The following THRAP3 variants were observed in gnomAD, a reference collection of about 807,000 sequenced individuals.
The protein encoded by THRAP3 is thyroid hormone receptor-associated protein 3.
THRAP3 carries 16 observed loss-of-function variants against 101.0 expected under a neutral mutation model. That is an observed-to-expected ratio of 0.16 (90% CI 0.11 to 0.24). THRAP3 has a LOEUF of 0.24. Ranked by LOEUF, THRAP3 falls within the 10% of genes least tolerant of loss-of-function variation. The pLI, the probability that THRAP3 is intolerant of heterozygous loss-of-function variation, is 1.00. For synonymous variants in THRAP3, 407 were observed against 422.6 expected (o/e 0.96, Z 0.45); for missense variants, 989 against 1,202.7 (o/e 0.82, Z 2.63).
At chr1:36,283,503 TATTGGTGTATTTAA>T (rs1645758536) in intron 3 of THRAP3, among the ~76,000 whole-genome samples, 1 of 152,202 alleles carries the variant, frequency 6.6e-6, no homozygotes, top group Admixed American at 6.5e-5. Flanking sequence ...GTTTGGGAAA[TATTGGTGTATTTAA>T]ATTGGTGTGC....
chr1:36,262,514 T>C (rs1044976732), intron 2 of THRAP3, among the ~76,000 whole-genome samples: 2 of 152,252 alleles, frequency 1.3e-5, no homozygotes, highest in African/African-American at 4.8e-5. Flanking sequence ...CCATTGTCTG[T>C]AAAAGCTGTC....
chr1:36,221,131 G>T (rs1644901270), upstream of THRAP3, among the ~76,000 whole-genome samples: 1 of 146,160 alleles, frequency 6.8e-6, no homozygotes, highest in South Asian at 2.1e-4. Context: ...GTTGCAGTGT[G>T]CACATATTGT....
intron 1 of THRAP3, among the ~76,000 whole-genome samples, chr1:36,230,030 C>T (rs950912498): frequency 2.0e-5 from 3 of 146,684 alleles, no homozygotes; most frequent in African/African-American, 7.6e-5. Flanking sequence ...TCTCGGCTCA[C>T]TGCAACCTCC....
intron 1 of THRAP3, among the ~76,000 whole-genome samples, chr1:36,255,924 C>G (rs374516232): frequency 6.6e-6 from 1 of 152,040 alleles, no homozygotes; most frequent in Non-Finnish European, 1.5e-5. Flanking sequence ...GAAACTATAT[C>G]GTCGTTTAAG....
intron 1 of THRAP3, among the ~76,000 whole-genome samples, chr1:36,248,830 C>T (rs957192271): frequency 6.6e-6 from 1 of 151,960 alleles, no homozygotes; most frequent in Non-Finnish European, 1.5e-5. Context: ...CTACCATGTA[C>T]CAGGCATTGC....
At chr1:36,247,943 G>A (rs962272398) in intron 1 of THRAP3, among the ~76,000 whole-genome samples, 1 of 147,712 alleles carries the variant, frequency 6.8e-6, no homozygotes, top group African/African-American at 2.5e-5. Flanking sequence ...GCAGTGGCAC[G>A]ATCTTGGCTC....
chr1:36,213,867 AGAAAGAAGGAAAG>A, the THRAP3 span, among the ~76,000 whole-genome samples: 2 of 150,430 alleles, frequency 1.3e-5, no homozygotes, highest in Non-Finnish European at 3.0e-5. Context: ...AGAAAGAAAA[AGAAAGAAGGAAAG>A]GAAAGAAGGA....
chr1:36,212,496 A>C, the THRAP3 span, among the ~76,000 whole-genome samples: 5 of 147,528 alleles, frequency 3.4e-5, no homozygotes, highest in Admixed American at 2.7e-4. Flanking sequence ...TCTCGGCTCA[A>C]TGCAACCTCC....
chr1:36,232,873 C>A (rs1371476045), intron 1 of THRAP3, among the ~76,000 whole-genome samples: 2 of 119,598 alleles, frequency 1.7e-5, no homozygotes, highest in East Asian at 5.5e-4. Flanking sequence ...ACTCATCGAA[C>A]TGTATCTTTT....
intron 2 of THRAP3, among the ~76,000 whole-genome samples, chr1:36,269,388 T>A (rs1333061510): frequency 6.6e-6 from 1 of 152,202 alleles, no homozygotes; most frequent in East Asian, 1.9e-4. Flanking sequence ...GTGATACTTT[T>A]CTCAGTGGTT....
At chr1:36,213,994 A>G in the THRAP3 span, among the ~76,000 whole-genome samples, 55 of 85,868 alleles carry the variant, frequency 6.4e-4, no homozygotes, top group East Asian at 4.3e-3. Context: ...AGAAAGAAAG[A>G]AAGGAAAGAA....
At position 36,286,439 on chromosome 1, in the gene THRAP3, A is replaced by G; in HGVS notation, c.209A>G (p.Asn70Ser). The change falls in exon 4 of 12, where the codon AAT becomes AGT. Residue 70 changes from asparagine (N) to serine (S), a missense_variant. Physicochemically the swap from Asn to Ser is conservative, Grantham distance 46. Coordinates refer to ENST00000354618, the MANE Select transcript of THRAP3 (RefSeq NM_005119.4). This position sits in a 1 kb window ranked among gnomAD's most constrained non-coding sequence, Gnocchi z 5.5. ...RERNHPRVYQNRDFRGHNRGY... is the reference protein window; with the variant it reads ...RERNHPRVYQSRDFRGHNRGY... ...AGAAACCACCCAAGAGTATATCAGA[A>G]TCGGGATTTCCGAGGTCACAACAGA... The G allele has an allele frequency of 6.2e-7, 1 of 1,614,198 alleles. No individual in the cohort carries two copies. The highest frequency in any genetic ancestry group is 1.3e-5 in the African/African-American group (1 of 75,058).
chr1:36,219,745 A>G (rs1262826627), upstream of THRAP3, among the ~76,000 whole-genome samples: 1 of 152,030 alleles, frequency 6.6e-6, no homozygotes, highest in Non-Finnish European at 1.5e-5. Context: ...CAGATTGTCA[A>G]TGTAGATGAA....
At chr1:36,246,848 A>G (rs1405172861) in intron 1 of THRAP3, among the ~76,000 whole-genome samples, 1 of 150,594 alleles carries the variant, frequency 6.6e-6, no homozygotes. Flanking sequence ...TCTCAAATAA[A>G]TAAATAAATA....
rs763932914 is a variant in THRAP3, at chr1:36,293,855, A to C, written c.2035A>C (p.Ile679Leu). The change falls in exon 8 of 12, where the codon ATA (isoleucine) becomes CTA (leucine). Residue 679 changes from isoleucine to leucine, a missense_variant. Ile to Leu is a conservative substitution (Grantham distance 5). Transcript: ENST00000354618. ...NKKSPEIHRR[I>L]DISPSTFRKH... ...GTTTTGTATTTTCAATTTTAGGAGAATAGACATTTCCCCCAGTACATTCAG... is the reference window on the plus strand; with the variant it reads ...GTTTTGTATTTTCAATTTTAGGAGACTAGACATTTCCCCCAGTACATTCAG... The C allele has an allele frequency of 2.5e-6, 4 of 1,613,120 alleles. No homozygotes were observed. Among genetic ancestry groups the C allele is most frequent in the Non-Finnish European group, 3.4e-6 (4 of 1,179,244 alleles).
At chr1:36,228,591 G>T (rs1644989431) in intron 1 of THRAP3, among the ~76,000 whole-genome samples, 1 of 152,062 alleles carries the variant, frequency 6.6e-6, no homozygotes, top group African/African-American at 2.4e-5. Context: ...CTGAACTCAG[G>T]TGATCCAACG....
Position 36,289,391 on chromosome 1 carries a change from G to A in THRAP3, c.1372G>A (p.Gly458Ser). 6.2e-7 allele frequency: 1 copy of A among 1,614,144 alleles called. No homozygotes were observed. Among genetic ancestry groups the A allele is most frequent in the Non-Finnish European group, 8.5e-7 (1 of 1,180,020 alleles). The change falls in exon 5 of 12, where the codon GGT becomes AGT. Residue 458 changes from glycine to serine, a missense_variant. By Grantham distance (56) the Gly-to-Ser change is moderately conservative (BLOSUM62 0). Coordinates refer to ENST00000354618, the MANE Select transcript of THRAP3 (RefSeq NM_005119.4). The stretch of plus-strand genomic sequence containing the variant: ...ACCCAAATTTATGTCTAAAGTCATA[G>A]GTGCAAACAAAAACCAGGAGGAGGA... ...DEPKFMSKVI[G>S]ANKNQEEEKS...
intron 1 of THRAP3, among the ~76,000 whole-genome samples, chr1:36,236,689 C>T (rs896547439): frequency 6.6e-5 from 10 of 152,158 alleles, no homozygotes; most frequent in African/African-American, 1.9e-4. Flanking sequence ...GAAGAGTTTC[C>T]GAATTTCCTT....
At chr1:36,241,446 T>C (rs1645160215) in intron 1 of THRAP3, among the ~76,000 whole-genome samples, 1 of 147,534 alleles carries the variant, frequency 6.8e-6, no homozygotes, top group Admixed American at 6.8e-5. Context: ...TATAAATAAA[T>C]ATATATTCTT....
Sources: gnomAD v4.1 joint callset for allele counts (sites outside exome capture counted in the v4.1 genomes callset) on GRCh38, gnomAD v4.1.1 for gene constraint, Gnocchi (gnomAD v3.1) non-coding constraint, MANE v1.5 for transcripts, NCBI Gene and HGNC (gene_info 2026-07-23, HGNC 2026-07-21) for gene names.